The following DCC variants were observed in gnomAD, a reference collection of about 807,000 sequenced individuals.
DCC encodes DCC netrin 1 receptor, also known as netrin receptor DCC.
A neutral mutation model predicts 172.5 loss-of-function variants in DCC; 58 were observed. That is an observed-to-expected ratio of 0.34 (90% CI 0.27 to 0.42). DCC has a LOEUF of 0.42. DCC is among the 10% of genes least tolerant of loss of function. The probability of loss-of-function intolerance (pLI) is 1.00; values close to 1 mark genes in which losing one functional copy is unlikely to be tolerated. For synonymous variants in DCC, 709 were observed against 644.5 expected, an observed-to-expected ratio of 1.10 and a Z score of -1.52; for missense variants, 1,740 against 1,791.0, an observed-to-expected ratio of 0.97 and a Z score of 0.51.
At chr18:52,865,994 G>C (rs927457276) in intron 2 of DCC, among the ~76,000 whole-genome samples, 1 of 151,902 alleles carries the variant, frequency 6.6e-6, no homozygotes, top group Non-Finnish European at 1.5e-5. Context: ...GGTATTGCCT[G>C]GGTTTTCTTC....
At chr18:53,310,860 A>G (rs1415564431) in intron 13 of DCC, among the ~76,000 whole-genome samples, 2 of 152,174 alleles carry the variant, frequency 1.3e-5, no homozygotes, top group East Asian at 3.9e-4. Context: ...AAGCTTGAGG[A>G]CACTTAGCAT....
chr18:52,492,865 G>A (rs1315124198), intron 1 of DCC, among the ~76,000 whole-genome samples: 3 of 151,976 alleles, frequency 2.0e-5, no homozygotes, highest in South Asian at 2.1e-4. Flanking sequence ...GACAGTTGAT[G>A]GTATTTGCAA....
In DCC at chr18:53,111,954, GA is replaced by G. The variant is rs527915412; in HGVS notation, c.1262-45395del. 7.9e-3 allele frequency among the ~76,000 whole-genome samples: 1,195 copies of G among 151,508 alleles called. 17 individuals carry two copies. The highest frequency in any genetic ancestry group is 0.027 in the African/African-American group (1,113 of 41,410). On this transcript the variant is annotated intron_variant, in intron 7 of 28. Coordinates refer to ENST00000442544, the MANE Select transcript of DCC (RefSeq NM_005215.4). ...AGGAAATGAGAGTTGTGTTAAGAGG[GA>G]AAAAAAGAGAAGAAAACACCCATTT...
At chr18:52,896,731 T>C (rs760554888) in intron 2 of DCC, among the ~76,000 whole-genome samples, 11 of 152,134 alleles carry the variant, frequency 7.2e-5, no homozygotes, top group Non-Finnish European at 1.3e-4. Flanking sequence ...TAATCAAAGA[T>C]ATTGATGGGA....
chr18:52,458,876 T>C (rs1317736023), intron 1 of DCC, among the ~76,000 whole-genome samples: 1 of 152,154 alleles, frequency 6.6e-6, no homozygotes, highest in African/African-American at 2.4e-5. Flanking sequence ...AGTTAAAAAA[T>C]AAAAACATTT....
At chr18:53,035,863 A>C (rs1334574495) in intron 5 of DCC, among the ~76,000 whole-genome samples, 2 of 151,150 alleles carry the variant, frequency 1.3e-5, no homozygotes, top group African/African-American at 4.9e-5. Flanking sequence ...CCTTATACAC[A>C]CTTCCATACA....
intron 1 of DCC, among the ~76,000 whole-genome samples, chr18:52,630,098 C>A (rs1463229412): frequency 1.3e-5 from 2 of 151,726 alleles, no homozygotes; most frequent in Non-Finnish European, 2.9e-5. Context: ...GGCAACAGAG[C>A]AAGACTCCAT....
chr18:52,724,010 T>A (rs2036514605), intron 1 of DCC, among the ~76,000 whole-genome samples: 1 of 152,178 alleles, frequency 6.6e-6, no homozygotes, highest in Non-Finnish European at 1.5e-5. Context: ...AAGGTACAGA[T>A]GAGTATCCTG....
intron 12 of DCC, among the ~76,000 whole-genome samples, chr18:53,239,801 C>T (rs1467192918): frequency 6.6e-6 from 1 of 151,854 alleles, no homozygotes; most frequent in Non-Finnish European, 1.5e-5. Flanking sequence ...TTTACATGGC[C>T]TATTCAAAAA....
intron 20 of DCC, among the ~76,000 whole-genome samples, chr18:53,414,446 A>G (rs1910179450): frequency 6.6e-6 from 1 of 152,182 alleles, no homozygotes; most frequent in Non-Finnish European, 1.5e-5. Context: ...TTTCATAAGT[A>G]TATCCTTACT....
chr18:52,775,549 G>T (rs536533028), intron 2 of DCC, among the ~76,000 whole-genome samples: 1 of 152,312 alleles, frequency 6.6e-6, no homozygotes, highest in East Asian at 1.9e-4. Flanking sequence ...AAGGGAGATG[G>T]TTTTCCCCCA....
intron 5 of DCC, among the ~76,000 whole-genome samples, chr18:52,934,325 G>A (rs1325537890): frequency 6.6e-6 from 1 of 151,790 alleles, no homozygotes; most frequent in Non-Finnish European, 1.5e-5. Context: ...TCCCTCTGTG[G>A]GAAAAAGATG....
intron 2 of DCC, among the ~76,000 whole-genome samples, chr18:52,828,433 T>C (rs1163376899): frequency 6.6e-6 from 1 of 151,950 alleles, no homozygotes; most frequent in Admixed American, 6.6e-5. Flanking sequence ...AAAAATATCA[T>C]AGTAGGAAGC....
chr18:53,298,916 T>G (rs1479312728), intron 12 of DCC, among the ~76,000 whole-genome samples: 1 of 152,184 alleles, frequency 6.6e-6, no homozygotes, highest in Admixed American at 6.5e-5. Flanking sequence ...TTGGGAAGTC[T>G]TCCATTGATA....
intron 2 of DCC, among the ~76,000 whole-genome samples, chr18:52,759,943 A>G (rs896119528): frequency 6.6e-6 from 1 of 152,220 alleles, no homozygotes; most frequent in Non-Finnish European, 1.5e-5. Flanking sequence ...GTGGAAAAAC[A>G]TGATTGGACA....
At chr18:52,388,985 CA>C (rs1476831249) in intron 1 of DCC, among the ~76,000 whole-genome samples, 1 of 152,112 alleles carries the variant, frequency 6.6e-6, no homozygotes, top group Non-Finnish European at 1.5e-5. Context: ...AGCCATTCAT[CA>C]AAAACTATGT....
rs374319173 is a variant in DCC, at chr18:52,416,560, T to C, written c.91+75682T>C. 4.6e-4 allele frequency among the ~76,000 whole-genome samples: 70 copies of C among 151,784 alleles called. No individual in the cohort carries two copies. The East Asian group carries it at 0.01, about 22-fold the overall frequency. On this transcript the variant is annotated intron_variant, in intron 1 of 28. Coordinates refer to ENST00000442544, the MANE Select transcript of DCC (RefSeq NM_005215.4). ...TGCTTTATGAATCTGGGTGCTCCTG[T>C]ATTGGGTGCATATATATTTAGGATA...
At chr18:52,720,205 A>G (rs1282989008) in intron 1 of DCC, among the ~76,000 whole-genome samples, 3 of 152,138 alleles carry the variant, frequency 2.0e-5, no homozygotes, top group African/African-American at 7.2e-5. Flanking sequence ...ATGGCTCAAT[A>G]GAGATCTGTA....
intron 3 of DCC, among the ~76,000 whole-genome samples, chr18:52,922,136 T>C (rs961093375): frequency 1.3e-5 from 2 of 152,152 alleles, no homozygotes; most frequent in African/African-American, 2.4e-5. Flanking sequence ...ATTGATATAA[T>C]AAAGATGAAC....
Sources: allele counts gnomAD v4.1 joint callset (sites outside exome capture counted in the v4.1 genomes callset), GRCh38; gene constraint gnomAD v4.1.1; transcripts MANE v1.5; gene names NCBI Gene and HGNC (gene_info 2026-07-23, HGNC 2026-07-21).